The following AOPEP variants were observed in gnomAD, a reference collection of about 807,000 sequenced individuals.
AOPEP encodes aminopeptidase O (putative).
In AOPEP, 77 loss-of-function variants were observed where a neutral mutation model predicts 98.1. The observed-to-expected ratio is 0.78, with a 90% CI of 0.65 to 0.95. The LOEUF is 0.95. Among genes scored for constraint, AOPEP ranks in the 40% least tolerant of loss-of-function variants. AOPEP has a pLI of 0.00. For synonymous variants in AOPEP, 346 were observed against 365.3 expected, an observed-to-expected ratio of 0.95 and a Z score of 0.60; for missense variants, 1,024 against 1,024.7, an observed-to-expected ratio of 1.00 and a Z score of 0.01.
At position 94,979,389 on chromosome 9, in the gene AOPEP, A is replaced by T; in HGVS notation, c.1939A>T (p.Ile647Phe). ...EKRLELSVEN[I>F]YQDWLESSGI... ...AAGGCTTGAGCTGTCTGTTGAAAAC[A>T]TCTACCAAGACTGGCTTGAGAGTTC... Residue 647 changes from isoleucine to phenylalanine, a missense_variant, in exon 11 of 17, where the codon ATC becomes TTC. By Grantham distance (21) the Ile-to-Phe change is conservative. Coordinates refer to ENST00000375315, the MANE Select transcript of AOPEP (RefSeq NM_001193329.3). 1.2e-6 allele frequency: 2 copies of T among 1,603,462 alleles called. No individual in the cohort carries two copies. The highest frequency in any genetic ancestry group is 1.7e-6 in the Non-Finnish European group (2 of 1,172,922).
chr9:94,950,467 G>A (rs115654784), intron 7 of AOPEP, among the ~76,000 whole-genome samples: 4,471 of 152,198 alleles, frequency 0.029, 240 homozygotes, highest in African/African-American at 0.1. Context: ...TTGGGTCCAA[G>A]CCCTCACCCA....
the AOPEP span, among the ~76,000 whole-genome samples, chr9:95,132,351 G>C: frequency 6.6e-6 from 1 of 152,192 alleles, no homozygotes; most frequent in Non-Finnish European, 1.5e-5. Flanking sequence ...TCTAATTTGG[G>C]GCCAGCCTTG....
At chr9:94,917,977 C>T (rs2053073915) in intron 5 of AOPEP, among the ~76,000 whole-genome samples, 1 of 152,140 alleles carries the variant, frequency 6.6e-6, no homozygotes, top group South Asian at 2.1e-4. Flanking sequence ...TATCGGTTTC[C>T]CCATCTCATT....
At chr9:94,963,857 C>T (rs945803380) in intron 9 of AOPEP, among the ~76,000 whole-genome samples, 1 of 152,172 alleles carries the variant, frequency 6.6e-6, no homozygotes, top group Non-Finnish European at 1.5e-5. Flanking sequence ...TCATAAGAGA[C>T]ATTTTTCTTT....
At chr9:95,089,535 G>A (rs1483377191), downstream of AOPEP, among the ~76,000 whole-genome samples, 2 of 152,162 alleles carry the variant, frequency 1.3e-5, no homozygotes, top group Admixed American at 6.5e-5. Flanking sequence ...ACGCCACAAT[G>A]CCTCCCCAGC....
At chr9:94,931,905 C>A in intron 7 of AOPEP, 1 of 1,166,910 alleles carries the variant, frequency 8.6e-7, no homozygotes, top group South Asian at 1.6e-5. Context: ...CTCTTGCTGG[C>A]AGGTTAACAG....
intron 5 of AOPEP, among the ~76,000 whole-genome samples, chr9:94,910,881 A>G (rs1291723410): frequency 6.6e-6 from 1 of 152,138 alleles, no homozygotes; most frequent in East Asian, 1.9e-4. Flanking sequence ...GTTCAACTTA[A>G]AGGTCAAAAA....
chr9:94,829,448 A>AC (rs1855448563), intron 5 of AOPEP, among the ~76,000 whole-genome samples: 1 of 152,224 alleles, frequency 6.6e-6, no homozygotes, highest in Admixed American at 6.5e-5. Flanking sequence ...ATCTTGACAA[A>AC]GAAATGTTTT....
chr9:95,048,208 A>G (rs1425305585), intron 13 of AOPEP, among the ~76,000 whole-genome samples: 1 of 151,852 alleles, frequency 6.6e-6, no homozygotes, highest in Non-Finnish European at 1.5e-5. Context: ...AATGGCATGT[A>G]TGCTATAGTT....
At chr9:95,074,034 C>T (rs777770973) in intron 14 of AOPEP, among the ~76,000 whole-genome samples, 4 of 152,146 alleles carry the variant, frequency 2.6e-5, no homozygotes, top group East Asian at 3.9e-4. Flanking sequence ...CACTCTGCCC[C>T]GCACCATTTC....
chr9:95,149,582 G>A, the AOPEP span, among the ~76,000 whole-genome samples: 731 of 151,760 alleles, frequency 4.8e-3, 6 homozygotes, highest in Middle Eastern at 0.034. Context: ...AGGTGGAAGC[G>A]ATCCTCCTGA....
Position 94,932,911 on chromosome 9 carries a change from G to A in AOPEP, c.1661+4380G>A, listed in dbSNP as rs112415146. On this transcript the variant is annotated intron_variant, in intron 7 of 16. Transcript: ENST00000375315. The stretch of plus-strand genomic sequence containing the variant: ...TAGCCTTCTCAGCCTTCATTGGCTG[G>A]AGAGCCTGTAATGTGGCTACAGGCT... 2.3e-5 allele frequency: 23 copies of A among 985,368 alleles called. 1 individual carries two copies. Among genetic ancestry groups the A allele is most frequent in the African/African-American group, 1.9e-4 (11 of 57,348 alleles). The allele number at this position is 985,368 out of a possible 1,614,324, so 61.0% of individuals were successfully genotyped here. A position where few individuals can be genotyped will look rare whatever the true frequency, so the allele number is the denominator to read the frequency against.
intron 13 of AOPEP, among the ~76,000 whole-genome samples, chr9:95,025,579 T>A (rs751408181): frequency 4.6e-5 from 7 of 152,260 alleles, no homozygotes; most frequent in Non-Finnish European, 7.3e-5. Context: ...AAAGGTCGTC[T>A]TAGATTATTG....
chr9:95,032,999 C>A (rs921715874), intron 13 of AOPEP, among the ~76,000 whole-genome samples: 2 of 152,124 alleles, frequency 1.3e-5, no homozygotes, highest in African/African-American at 4.8e-5. Context: ...GGGATGGCCA[C>A]GTATTGTTCA....
At chr9:95,098,851 C>G in the AOPEP span, among the ~76,000 whole-genome samples, 1 of 152,182 alleles carries the variant, frequency 6.6e-6, no homozygotes, top group Non-Finnish European at 1.5e-5. Flanking sequence ...GATGCCTGCC[C>G]TTGTCCTCCT....
the AOPEP span, among the ~76,000 whole-genome samples, chr9:95,134,842 G>A: frequency 5.3e-5 from 8 of 152,250 alleles, no homozygotes; most frequent in East Asian, 1.9e-4. Context: ...AGGCGCCACC[G>A]CGCAGGGGAG....
chr9:94,984,582 T>C (rs1251570420), intron 11 of AOPEP, among the ~76,000 whole-genome samples: 1 of 152,178 alleles, frequency 6.6e-6, no homozygotes, highest in East Asian at 1.9e-4. Context: ...TTAAAAATAT[T>C]GGTTACATGT....
At chr9:94,981,167 C>T (rs575484876) in intron 11 of AOPEP, among the ~76,000 whole-genome samples, 15 of 152,304 alleles carry the variant, frequency 9.8e-5, no homozygotes, top group African/African-American at 3.4e-4. Context: ...CTCTCACTGC[C>T]GGGGGCTCTG....
chr9:94,943,933 A>C (rs868639481), intron 7 of AOPEP, among the ~76,000 whole-genome samples: 13 of 150,594 alleles, frequency 8.6e-5, no homozygotes, highest in Admixed American at 3.9e-4. Flanking sequence ...AAAAAAAAAA[A>C]AAAAAAAAAA....
Sources: allele counts gnomAD v4.1 joint callset (sites outside exome capture counted in the v4.1 genomes callset), GRCh38; gene constraint gnomAD v4.1.1; transcripts MANE v1.5; gene names NCBI Gene and HGNC (gene_info 2026-07-23, HGNC 2026-07-21).